The following BACH1 variants were observed in gnomAD, a reference collection of about 807,000 sequenced individuals.
BACH1 encodes BTB domain and CNC homolog 1.
A neutral mutation model predicts 52.9 loss-of-function variants in BACH1; 35 were observed. The ratio of observed to expected loss-of-function variants is 0.66; its 90% confidence interval spans 0.51 to 0.88. The LOEUF is 0.88. BACH1 is among the 40% of genes least tolerant of loss of function. The probability of loss-of-function intolerance (pLI) is 0.00; values close to 1 mark genes in which losing one functional copy is unlikely to be tolerated. For missense variants in BACH1, 808 were observed against 872.6 expected, an observed-to-expected ratio of 0.93 and a Z score of 0.93; for synonymous variants, 321 against 319.6, an observed-to-expected ratio of 1.00 and a Z score of -0.05.
At chr21:29,351,560 G>A (rs761927745) in intron 2 of BACH1, 1 of 524,834 alleles carries the variant, frequency 1.9e-6, no homozygotes, top group Non-Finnish European at 3.9e-6. Context: ...CATCTCATTT[G>A]AGCGTTTACT....
intron 2 of BACH1, chr21:29,351,797 A>G: frequency 1.9e-6 from 1 of 530,444 alleles, no homozygotes; most frequent in Admixed American, 2.0e-5. Flanking sequence ...AGTAGAGCAC[A>G]TAGCTGCTAA....
rs1488637346 is a variant in BACH1 at position 29,298,928 on chromosome 21, T to A, written c.-86T>A. 2 of 150,502 alleles carry A rather than the reference T, an allele frequency of 1.3e-5. No individual in the cohort carries two copies. The highest frequency in any genetic ancestry group is 2.9e-5 in the Non-Finnish European group (2 of 68,002). 9.3% of individuals were successfully genotyped at this position (150,502 alleles called of 1,614,324 possible). On this transcript the variant is annotated 5_prime_UTR_variant, in exon 1 of 5. Transcript: ENST00000286800. The stretch of plus-strand genomic sequence containing the variant: ...CGCCGGGCGCTCTCGCTTCAGTCAG[T>A]CGGGCCGCGCCGCGCCTCAGCTCTG...
At chr21:29,338,581 T>C (rs1414142143) in intron 4 of BACH1, among the ~76,000 whole-genome samples, 3 of 152,038 alleles carry the variant, frequency 2.0e-5, no homozygotes, top group Non-Finnish European at 4.4e-5. Flanking sequence ...TTGCCCAGGC[T>C]CCTCTCAAAA....
At chr21:29,335,672 A>G (rs1400945326) in intron 4 of BACH1, among the ~76,000 whole-genome samples, 1 of 152,076 alleles carries the variant, frequency 6.6e-6, no homozygotes, top group Admixed American at 6.5e-5. Flanking sequence ...TTATTTCTCT[A>G]TCTTGATCTT....
intron 4 of BACH1, among the ~76,000 whole-genome samples, chr21:29,341,890 A>G (rs1347535867): frequency 6.6e-6 from 1 of 152,222 alleles, no homozygotes; most frequent in African/African-American, 2.4e-5. Flanking sequence ...TCAGTAATTA[A>G]GTTATGCTAA....
rs1463646780 is a variant in BACH1, at chr21:29,343,649, G to A, written c.*816G>A. ...TAGGACTCAGAATACAGTGGCATGA[G>A]TGATTACACTGGCAGCATTATCTCA... On this transcript the variant is annotated 3_prime_UTR_variant, in exon 5 of 5. Coordinates refer to ENST00000286800, the MANE Select transcript of BACH1 (RefSeq NM_001186.4). 6.6e-6 allele frequency: 1 copy of A among 152,208 alleles called. No homozygotes were observed. Among genetic ancestry groups the A allele is most frequent in the East Asian group, 1.9e-4 (1 of 5,196 alleles). The allele number at this position is 152,208 out of a possible 1,614,324, so 9.4% of individuals were successfully genotyped here.
chr21:29,354,723 G>C (rs896094424), intron 2 of BACH1, among the ~76,000 whole-genome samples: 3 of 152,204 alleles, frequency 2.0e-5, no homozygotes, highest in Admixed American at 6.5e-5. Context: ...GTGTACTGCA[G>C]GCAAGGCATG....
chr21:29,329,339 G>GC, intron 3 of BACH1, 148 bp from the exon 4 acceptor site: 1 of 504,874 alleles, frequency 2.0e-6, no homozygotes, highest in Non-Finnish European at 3.2e-6. Flanking sequence ...ATCCTTTTGA[G>GC]ATTGTATAGA....
chr21:29,319,215 G>A lies in BACH1; in HGVS notation c.-60-2006G>A, dbSNP rs191028852. ...ATTGATAGTTAACATCTTTAGGATA[G>A]TCTCTGGAGAGACTTAAACGTGTTC... On this transcript the variant is annotated intron_variant, in intron 1 of 4. Coordinates refer to ENST00000286800, the MANE Select transcript of BACH1 (RefSeq NM_001186.4). Among the ~76,000 whole-genome samples the A allele has an allele frequency of 2.6e-5, 4 of 152,316 alleles. No homozygotes were observed. The East Asian group carries it at 7.7e-4, about 29-fold the overall frequency.
At chr21:29,303,818 A>G (rs1043233613) in intron 1 of BACH1, among the ~76,000 whole-genome samples, 2 of 138,770 alleles carry the variant, frequency 1.4e-5, no homozygotes, top group Non-Finnish European at 2.9e-5. Flanking sequence ...AGGTTAGAAA[A>G]TATTCAAATA....
At chr21:29,354,311 G>A in intron 2 of BACH1, among the ~76,000 whole-genome samples, 1 of 151,908 alleles carries the variant, frequency 6.6e-6, no homozygotes, top group Non-Finnish European at 1.5e-5. Flanking sequence ...ATATGATAAA[G>A]TTTGACATTT....
Position 29,326,268 on chromosome 21 carries a change from A to C in BACH1, c.444A>C (p.Ser148=). The change falls in exon 3 of 5, where the codon TCA becomes TCC. Residue 148 remains serine, a synonymous_variant. Coordinates refer to ENST00000286800, the MANE Select transcript of BACH1 (RefSeq NM_001186.4). ...GCCCAAGAAAAAAATGCTTTTCATCACACTGTCAGAAAACAGACCTTAAAC... is the reference window on the plus strand; with the variant it reads ...GCCCAAGAAAAAAATGCTTTTCATCCCACTGTCAGAAAACAGACCTTAAAC... The part of the protein sequence containing the change: ...QECPRKKCFS[S]HCQKTDLKLS... The C allele has an allele frequency of 6.2e-7, 1 of 1,614,110 alleles. No homozygotes were observed. The highest frequency in any genetic ancestry group is 8.5e-7 in the Non-Finnish European group (1 of 1,180,012).
rs2089075776 is a variant in BACH1 at position 29,338,792 on chromosome 21, C to A, written c.1777-3607C>A. Among the ~76,000 whole-genome samples, 4 of 152,266 alleles carry A rather than the reference C, an allele frequency of 2.6e-5. No individual in the cohort carries two copies. In the South Asian group the frequency reaches 8.3e-4, roughly 32 times the overall value. On this transcript the variant is annotated intron_variant, in intron 4 of 4. Coordinates refer to ENST00000286800, the MANE Select transcript of BACH1 (RefSeq NM_001186.4). ...TCTTCTCCTTATACCCTATTCATAG[C>A]TACTTCCTATAGGTAACCATTTTCA...
intron 1 of BACH1, among the ~76,000 whole-genome samples, chr21:29,312,493 T>C (rs1227994561): frequency 6.6e-6 from 1 of 152,186 alleles, no homozygotes; most frequent in East Asian, 1.9e-4. Context: ...TGTTTGCAGA[T>C]GACATGATTG....
intron 1 of BACH1, among the ~76,000 whole-genome samples, chr21:29,306,169 AGTGTGTG>A (rs2088654496): frequency 7.1e-6 from 1 of 141,198 alleles, no homozygotes; most frequent in African/African-American, 2.6e-5. Flanking sequence ...GGTCAGGAAG[AGTGTGTG>A]TGTGTGTGTG....
chr21:29,342,792 T>A lies in BACH1; in HGVS notation c.2170T>A (p.Phe724Ile). The change falls in exon 5 of 5, where the codon TTC (phenylalanine) becomes ATC (isoleucine). Residue 724 changes from phenylalanine to isoleucine, a missense_variant. Phe to Ile is a conservative substitution (Grantham distance 21). Coordinates refer to ENST00000286800, the MANE Select transcript of BACH1 (RefSeq NM_001186.4). ...QCRQSGGISD[F>I]CQQMTDKCTT... ...TCGTCAGAGTGGTGGGATCTCAGATTTCTGTCAGCAGATGACTGATAAATG... is the reference window on the plus strand; with the variant it reads ...TCGTCAGAGTGGTGGGATCTCAGATATCTGTCAGCAGATGACTGATAAATG... 1 of 1,609,858 alleles carries A rather than the reference T, an allele frequency of 6.2e-7. No individual in the cohort carries two copies. The highest frequency in any genetic ancestry group is 8.5e-7 in the Non-Finnish European group (1 of 1,176,596).
At chr21:29,336,857 T>C (rs1271520801) in intron 4 of BACH1, among the ~76,000 whole-genome samples, 2 of 151,852 alleles carry the variant, frequency 1.3e-5, no homozygotes, top group Admixed American at 1.3e-4. Flanking sequence ...TTTTTAGAAG[T>C]GATGGGTTTT....
At chr21:29,309,276 A>G (rs2088693829) in intron 1 of BACH1, among the ~76,000 whole-genome samples, 1 of 151,738 alleles carries the variant, frequency 6.6e-6, no homozygotes, top group African/African-American at 2.4e-5. Flanking sequence ...AAAAAAAAGA[A>G]AGATTCACCA....
chr21:29,338,578 G>C (rs1601365722), intron 4 of BACH1, among the ~76,000 whole-genome samples: 2 of 152,074 alleles, frequency 1.3e-5, no homozygotes, highest in East Asian at 3.9e-4. Context: ...GTGTTGCCCA[G>C]GCTCCTCTCA....
Sources: gnomAD v4.1 joint callset for allele counts (sites outside exome capture counted in the v4.1 genomes callset) on GRCh38, gnomAD v4.1.1 for gene constraint, MANE v1.5 for transcripts, NCBI Gene and HGNC (gene_info 2026-07-23, HGNC 2026-07-21) for gene names.